Variants in GALNT18 observed in about 807,000 individuals in gnomAD.
GALNT18 encodes polypeptide N-acetylgalactosaminyltransferase 18.
Under a neutral mutation model 69.5 loss-of-function variants are expected in GALNT18, and 44 were observed. The ratio of observed to expected loss-of-function variants is 0.63; its 90% CI spans 0.50 to 0.81. GALNT18 has a LOEUF of 0.81. GALNT18 is among the 40% of genes least tolerant of loss of function. The pLI is 0.00. For missense variants in GALNT18, 715 were observed against 810.0 expected (o/e 0.88, Z 1.42); for synonymous variants, 364 against 318.2 (o/e 1.14, Z -1.53).
chr11:11,366,129 G>A (rs1166416265), intron 6 of GALNT18, among the ~76,000 whole-genome samples: 1 of 152,164 alleles, frequency 6.6e-6, no homozygotes, highest in Admixed American at 6.5e-5. Flanking sequence ...AGTTTCTGCT[G>A]TTTAGCCTCT....
intron 9 of GALNT18, among the ~76,000 whole-genome samples, chr11:11,306,428 G>C (rs556939635): frequency 1.6e-4 from 24 of 152,258 alleles, no homozygotes; most frequent in African/African-American, 3.1e-4. Context: ...ATAAAATAAT[G>C]GTGGCTGATT....
chr11:11,405,968 C>T (rs962948844), intron 3 of GALNT18, among the ~76,000 whole-genome samples: 1 of 152,148 alleles, frequency 6.6e-6, no homozygotes. Context: ...AGCAAGGTGT[C>T]GGCAGTCCTG....
chr11:11,578,759 C>T (rs369625120), intron 1 of GALNT18, among the ~76,000 whole-genome samples: 2 of 152,212 alleles, frequency 1.3e-5, no homozygotes, highest in Admixed American at 6.5e-5. Context: ...TGCCTTCCTT[C>T]GGGACTCCTG....
intron 1 of GALNT18, among the ~76,000 whole-genome samples, chr11:11,490,595 T>C (rs1177772848): frequency 1.3e-5 from 2 of 152,180 alleles, no homozygotes; most frequent in African/African-American, 4.8e-5. Flanking sequence ...CTCAGCCCAG[T>C]CCAGGGGCCT....
At chr11:11,333,212 G>A (rs1378887821) in intron 7 of GALNT18, among the ~76,000 whole-genome samples, 3 of 152,044 alleles carry the variant, frequency 2.0e-5, no homozygotes, top group African/African-American at 4.8e-5. Flanking sequence ...GTGAGAGAGA[G>A]GGGGGAAGGA....
intron 5 of GALNT18, among the ~76,000 whole-genome samples, chr11:11,376,800 G>A (rs2129531): frequency 0.71 from 107,926 of 151,774 alleles, 38,947 homozygotes; most frequent in Non-Finnish European, 0.76. Flanking sequence ...GCATTTCCCC[G>A]CTTTCAATGC....
intron 10 of GALNT18, among the ~76,000 whole-genome samples, chr11:11,283,242 G>A (rs1235459397): frequency 1.3e-5 from 2 of 152,122 alleles, no homozygotes; most frequent in Non-Finnish European, 2.9e-5. Context: ...GCAATCCCAG[G>A]TTCAAGTGAT....
chr11:11,520,522 C>T (rs1407506044), intron 1 of GALNT18, among the ~76,000 whole-genome samples: 5 of 152,184 alleles, frequency 3.3e-5, no homozygotes, highest in Non-Finnish European at 7.3e-5. Context: ...CTGAACAGTC[C>T]CAGAGATGAC....
At chr11:11,487,486 T>C (rs1856669405) in intron 1 of GALNT18, among the ~76,000 whole-genome samples, 1 of 152,242 alleles carries the variant, frequency 6.6e-6, no homozygotes, top group Non-Finnish European at 1.5e-5. Flanking sequence ...GAAATGCTAG[T>C]ACAAATAAAA....
At chr11:11,574,576 C>A (rs1483719772) in intron 1 of GALNT18, among the ~76,000 whole-genome samples, 1 of 152,168 alleles carries the variant, frequency 6.6e-6, no homozygotes, top group Non-Finnish European at 1.5e-5. Context: ...AGCATCATGG[C>A]CATCATGACG....
chr11:11,618,731 T>A lies in GALNT18; in HGVS notation c.235+2628A>T, dbSNP rs1207885933. 6.6e-6 allele frequency among the ~76,000 whole-genome samples: 1 copy of A among 152,222 alleles called. No homozygotes were observed. The highest frequency in any genetic ancestry group is 1.5e-5 in the Non-Finnish European group (1 of 68,046). ...CCATATCTGTAAAATGGAGCAAATA[T>A]TACCTACTTCATAAGGTTGTGAAGA... On this transcript the variant is annotated intron_variant, in intron 1 of 10. Transcript: ENST00000227756. This position sits in a 1 kb window ranked among gnomAD's most constrained non-coding sequence, Gnocchi z 6.1.
chr11:11,520,961 C>G (rs887061730), intron 1 of GALNT18, among the ~76,000 whole-genome samples: 2 of 152,064 alleles, frequency 1.3e-5, no homozygotes, highest in South Asian at 2.1e-4. Context: ...CCGTAGGGAG[C>G]CTTAGAGCCC....
intron 3 of GALNT18, among the ~76,000 whole-genome samples, chr11:11,428,211 C>A (rs778853967): frequency 6.6e-5 from 10 of 152,262 alleles, no homozygotes. Context: ...GCCATAGCCG[C>A]TTTCCTCCAA....
At chr11:11,354,882 G>A (rs151272888) in intron 6 of GALNT18, among the ~76,000 whole-genome samples, 343 of 152,136 alleles carry the variant, frequency 2.3e-3, no homozygotes, top group Admixed American at 4.4e-3. Flanking sequence ...TCTAATAGCC[G>A]AAGCCTGTAA....
At chr11:11,478,841 G>A (rs1856459441) in intron 1 of GALNT18, among the ~76,000 whole-genome samples, 1 of 148,656 alleles carries the variant, frequency 6.7e-6, no homozygotes, top group Non-Finnish European at 1.5e-5. Flanking sequence ...AGGAGGCACT[G>A]AAGAGAGATG....
intron 6 of GALNT18, among the ~76,000 whole-genome samples, chr11:11,351,754 C>A (rs10831598): frequency 0.91 from 134,939 of 148,712 alleles, 62,274 homozygotes; most frequent in East Asian, 1. Flanking sequence ...ATTTGGGGAG[C>A]AATTTTCTTT....
intron 1 of GALNT18, among the ~76,000 whole-genome samples, chr11:11,581,024 G>A (rs1056769347): frequency 5.3e-5 from 8 of 152,278 alleles, no homozygotes; most frequent in African/African-American, 1.9e-4. Flanking sequence ...CCGTTGGAAA[G>A]AGGGAGACAG....
chr11:11,276,631 G>A (rs1848953340), intron 10 of GALNT18, among the ~76,000 whole-genome samples: 1 of 151,956 alleles, frequency 6.6e-6, no homozygotes, highest in African/African-American at 2.4e-5. Flanking sequence ...CATTCAGTAT[G>A]ATATTGGCTG....
rs530466875 is a variant in GALNT18, at chr11:11,498,438, G to GGCT, written c.236-49505_236-49503dup. On this transcript the variant is annotated intron_variant, in intron 1 of 10. Transcript: ENST00000227756. ...CCATGCCAGCTATGAATGCCCAGCA[G>GGCT]GCTGTGGACTTCAGTCAGTGGCTTC... 7.1e-4 allele frequency among the ~76,000 whole-genome samples: 108 copies of GGCT among 152,338 alleles called. 1 individual carries two copies. The highest frequency in any genetic ancestry group is 1.3e-3 in the Non-Finnish European group (86 of 68,032).
Sources: gnomAD v4.1 joint callset for allele counts (sites outside exome capture counted in the v4.1 genomes callset) on GRCh38, gnomAD v4.1.1 for gene constraint, Gnocchi (gnomAD v3.1) non-coding constraint, MANE v1.5 for transcripts, NCBI Gene and HGNC (gene_info 2026-07-23, HGNC 2026-07-21) for gene names.